The following NAV2 variants were observed in gnomAD, a reference collection of about 807,000 sequenced individuals.
NAV2 encodes the protein helicase, APC down-regulated 1.
In NAV2, 54 loss-of-function variants were observed where a neutral mutation model predicts 223.2. The ratio of observed to expected loss-of-function variants is 0.24; its 90% CI spans 0.19 to 0.30. NAV2 has a LOEUF of 0.30. NAV2 is among the 10% of genes least tolerant of loss of function. NAV2 has a pLI of 1.00. For missense variants in NAV2, 2,806 were observed against 3,147.5 expected, an observed-to-expected ratio of 0.89 and a Z score of 2.60; for synonymous variants, 1,279 against 1,239.3, an observed-to-expected ratio of 1.03 and a Z score of -0.67.
At chr11:19,769,658 G>A (rs1811325) in intron 1 of NAV2, among the ~76,000 whole-genome samples, 2 of 151,922 alleles carry the variant, frequency 1.3e-5, no homozygotes, top group African/African-American at 2.4e-5. Flanking sequence ...AAACAACCAT[G>A]TCCTGGGAGG....
intron 37 of NAV2, among the ~76,000 whole-genome samples, chr11:20,115,556 C>T (rs1259200143): frequency 5.5e-5 from 7 of 128,424 alleles, no homozygotes; most frequent in African/African-American, 8.7e-5. Context: ...GGCGTGAACC[C>T]GGGAGGTGGA....
chr11:19,918,962 C>T (rs928480431), intron 6 of NAV2, among the ~76,000 whole-genome samples: 3 of 152,164 alleles, frequency 2.0e-5, no homozygotes, highest in Admixed American at 2.0e-4. Flanking sequence ...TGAAGGCATA[C>T]ACCATATATC....
In NAV2 at chr11:19,933,842, C is replaced by A. The variant is rs2045605249; in HGVS notation, c.1598C>A (p.Pro533Gln). ...DPSGAAVPEMPKKSSKIASFI... is the reference protein window; with the variant it reads ...DPSGAAVPEMQKKSSKIASFI... ...AGTGGAGCAGCTGTGCCCGAGATGC[C>A]AAAAAAGTCCTCCAAGATTGCCAGC... Residue 533 changes from proline (P) to glutamine (Q), a missense_variant, in exon 7 of 38, where the codon CCA becomes CAA. By Grantham distance (76) the Pro-to-Gln change is moderately conservative. Coordinates refer to ENST00000349880, the MANE Select transcript of NAV2 (RefSeq NM_145117.5). The surrounding 1 kb of genome is among the most constrained non-coding windows in gnomAD (Gnocchi z 4.3). The A allele has an allele frequency of 1.9e-6, 3 of 1,606,088 alleles. No individual in the cohort carries two copies. Among genetic ancestry groups the A allele is most frequent in the Non-Finnish European group, 2.5e-6 (3 of 1,177,808 alleles).
In NAV2 at chr11:19,375,065, G is replaced by C. The variant is rs141489339; in HGVS notation, c.75+24038G>C. On this transcript the variant is annotated intron_variant, in intron 1 of 37. Transcript: ENST00000360655. Reference sequence around the variant, plus strand: ...GATGTCCTTCTCTCTAGGCACATTGGAAGCTCCTTCTCGACAATAATGATC... The same window carrying C: ...GATGTCCTTCTCTCTAGGCACATTGCAAGCTCCTTCTCGACAATAATGATC... 2.7e-3 allele frequency among the ~76,000 whole-genome samples: 404 copies of C among 152,298 alleles called. 1 individual carries two copies. The highest frequency in any genetic ancestry group is 9.4e-3 in the African/African-American group (389 of 41,560).
chr11:19,638,731 A>G (rs1447200523), intron 1 of NAV2, among the ~76,000 whole-genome samples: 1 of 152,202 alleles, frequency 6.6e-6, no homozygotes, highest in African/African-American at 2.4e-5. Flanking sequence ...ATTTCTCTCA[A>G]GAAGCAGAGA....
chr11:20,069,818 C>T (rs564367324), intron 22 of NAV2, among the ~76,000 whole-genome samples: 2 of 152,306 alleles, frequency 1.3e-5, no homozygotes, highest in South Asian at 2.1e-4. Flanking sequence ...ATCAGTCATT[C>T]GCCCGGAGTT....
At chr11:19,396,413 A>T (rs1213662925) in intron 1 of NAV2, among the ~76,000 whole-genome samples, 2 of 152,192 alleles carry the variant, frequency 1.3e-5, no homozygotes, top group African/African-American at 4.8e-5. Context: ...TGTGACTAAC[A>T]TACAACCCAT....
intron 1 of NAV2, among the ~76,000 whole-genome samples, chr11:19,830,941 C>G (rs1380694348): frequency 6.6e-6 from 1 of 151,982 alleles, no homozygotes; most frequent in East Asian, 1.9e-4. Context: ...GGGAAGGAGA[C>G]TAGCATGGAT....
intron 1 of NAV2, among the ~76,000 whole-genome samples, chr11:19,392,798 C>G (rs1462502171): frequency 6.6e-6 from 1 of 152,218 alleles, no homozygotes; most frequent in Non-Finnish European, 1.5e-5. Context: ...TAGTGAGGTT[C>G]AAGTGTGATC....
intron 1 of NAV2, among the ~76,000 whole-genome samples, chr11:19,701,842 C>T (rs190851565): frequency 5.8e-4 from 89 of 152,260 alleles, no homozygotes; most frequent in Middle Eastern, 6.8e-3. Context: ...GGAGAGGGAA[C>T]GGAAATCAAT....
intron 4 of NAV2, among the ~76,000 whole-genome samples, chr11:19,872,372 CATT>C (rs1413846357): frequency 6.6e-6 from 1 of 152,176 alleles, no homozygotes; most frequent in African/African-American, 2.4e-5. Flanking sequence ...TTAAGCTACA[CATT>C]ATAAAAAGGA....
chr11:19,992,490 T>C (rs1016923193), intron 11 of NAV2, among the ~76,000 whole-genome samples: 1 of 152,112 alleles, frequency 6.6e-6, no homozygotes, highest in African/African-American at 2.4e-5. Context: ...TCCCTAATGT[T>C]GCCCAACTTC....
chr11:19,593,396 C>T (rs889092645), intron 1 of NAV2, among the ~76,000 whole-genome samples: 2 of 139,156 alleles, frequency 1.4e-5, no homozygotes, highest in South Asian at 2.2e-4. Context: ...TGATACACAC[C>T]GATATACCAC....
intron 1 of NAV2, among the ~76,000 whole-genome samples, chr11:19,508,920 C>T (rs2043197777): frequency 6.6e-6 from 1 of 152,120 alleles, no homozygotes; most frequent in Admixed American, 6.5e-5. Flanking sequence ...ATATTGTGGT[C>T]CTACTAAGTG....
At chr11:19,707,701 T>C in intron 1 of NAV2, among the ~76,000 whole-genome samples, 1 of 152,350 alleles carries the variant, frequency 6.6e-6, no homozygotes, top group East Asian at 1.9e-4. Flanking sequence ...AGTAATTTGT[T>C]ATCAAGTATT....
chr11:19,551,561 C>G (rs7928986), intron 1 of NAV2, among the ~76,000 whole-genome samples: 61,151 of 152,162 alleles, frequency 0.4, 15,885 homozygotes, highest in African/African-American at 0.74. Flanking sequence ...AGCTCCCTCC[C>G]TGTTATGTTG....
intron 1 of NAV2, among the ~76,000 whole-genome samples, chr11:19,660,940 A>G (rs1390283693): frequency 1.3e-5 from 2 of 152,122 alleles, no homozygotes; most frequent in Non-Finnish European, 2.9e-5. Context: ...GTGGAAATAT[A>G]TATAACATGA....
At chr11:20,072,336 T>C (rs1043208275) in intron 22 of NAV2, among the ~76,000 whole-genome samples, 7 of 152,258 alleles carry the variant, frequency 4.6e-5, no homozygotes, top group Non-Finnish European at 7.3e-5. Context: ...TTTTGGTTAC[T>C]GTAGCCTTGT....
chr11:19,659,584 A>C (rs10833148), intron 1 of NAV2, among the ~76,000 whole-genome samples: 2 of 152,038 alleles, frequency 1.3e-5, no homozygotes, highest in African/African-American at 4.8e-5. Context: ...GGCCTGAGCT[A>C]TATAGGGACA....
Sources: allele counts gnomAD v4.1 joint callset (sites outside exome capture counted in the v4.1 genomes callset), GRCh38; gene constraint gnomAD v4.1.1; non-coding constraint Gnocchi (gnomAD v3.1); transcripts MANE v1.5; gene names NCBI Gene and HGNC (gene_info 2026-07-23, HGNC 2026-07-21).